Variants in GTF2E2 observed in about 807,000 individuals in gnomAD.
GTF2E2 encodes the protein general transcription factor IIE subunit 2, also known as transcription initiation factor IIE subunit beta.
A neutral mutation model predicts 40.5 loss-of-function variants in GTF2E2; 21 were observed. That is an observed-to-expected ratio of 0.52 (90% CI 0.37 to 0.75). The LOEUF (loss-of-function observed/expected upper bound fraction) is 0.75. Among genes scored for constraint, GTF2E2 ranks in the 30% least tolerant of loss-of-function variants. The probability of loss-of-function intolerance (pLI) is 0.00; values close to 1 mark genes in which losing one functional copy is unlikely to be tolerated. For missense variants in GTF2E2, 298 were observed against 338.4 expected, an observed-to-expected ratio of 0.88 and a Z score of 0.94; for synonymous variants, 117 against 121.6, an observed-to-expected ratio of 0.96 and a Z score of 0.25.
chr8:30,601,011 T>C (rs1291509468), intron 6 of GTF2E2, among the ~76,000 whole-genome samples: 1 of 152,188 alleles, frequency 6.6e-6, no homozygotes, highest in African/African-American at 2.4e-5. Flanking sequence ...TTTCAATGGG[T>C]CTTCCCTGGA....
intron 3 of GTF2E2, among the ~76,000 whole-genome samples, chr8:30,623,942 T>C (rs554860686): frequency 6.6e-6 from 1 of 152,092 alleles, no homozygotes; most frequent in Non-Finnish European, 1.5e-5. Flanking sequence ...TTGGAAAAAT[T>C]TTCTCCCATT....
intron 2 of GTF2E2, among the ~76,000 whole-genome samples, chr8:30,640,724 G>A (rs1002266630): frequency 6.6e-6 from 1 of 152,014 alleles, no homozygotes; most frequent in East Asian, 1.9e-4. Context: ...TTTGGCGGGG[G>A]GACGGAGTCT....
intron 3 of GTF2E2, among the ~76,000 whole-genome samples, chr8:30,618,218 A>G (rs1019831846): frequency 4.1e-5 from 5 of 121,036 alleles, no homozygotes; most frequent in Non-Finnish European, 7.9e-5. Flanking sequence ...AATCGCTTCA[A>G]CTGAGGAGGC....
chr8:30,610,810 A>G (rs997142014), intron 5 of GTF2E2, among the ~76,000 whole-genome samples: 3 of 152,224 alleles, frequency 2.0e-5, no homozygotes, highest in Non-Finnish European at 4.4e-5. Flanking sequence ...AGGCAACAAA[A>G]TCAAAAATAG....
At chr8:30,641,160 A>C (rs1256379605) in intron 2 of GTF2E2, among the ~76,000 whole-genome samples, 1 of 152,174 alleles carries the variant, frequency 6.6e-6, no homozygotes, top group Non-Finnish European at 1.5e-5. Flanking sequence ...TACTTTTTTC[A>C]GATATGCCCA....
At chr8:30,632,962 A>T (rs1289090306) in intron 3 of GTF2E2, among the ~76,000 whole-genome samples, 2 of 152,190 alleles carry the variant, frequency 1.3e-5, no homozygotes, top group African/African-American at 4.8e-5. Flanking sequence ...ACACGAACAG[A>T]TTTGCCAAAC....
At chr8:30,640,556 G>A (rs189965170) in intron 2 of GTF2E2, among the ~76,000 whole-genome samples, 1 of 152,150 alleles carries the variant, frequency 6.6e-6, no homozygotes, top group Non-Finnish European at 1.5e-5. Context: ...CATGGGTAGG[G>A]AAGTCCAGAA....
intron 3 of GTF2E2, among the ~76,000 whole-genome samples, chr8:30,621,934 G>A (rs918581787): frequency 2.3e-4 from 35 of 151,552 alleles, no homozygotes; most frequent in South Asian, 1.0e-3. Context: ...CTATCTCATC[G>A]TTAAGTATGA....
chr8:30,595,675 C>CA (rs1376184136), intron 6 of GTF2E2, among the ~76,000 whole-genome samples: 2 of 151,940 alleles, frequency 1.3e-5, no homozygotes, highest in Non-Finnish European at 2.9e-5. Context: ...ACTAGAAATA[C>CA]AAAAAAATTA....
At chr8:30,585,332 C>T (rs998997573) in intron 6 of GTF2E2, among the ~76,000 whole-genome samples, 12 of 152,122 alleles carry the variant, frequency 7.9e-5, no homozygotes, top group Non-Finnish European at 2.9e-5. Flanking sequence ...CCATCTAACA[C>T]CCATCATAAT....
intron 2 of GTF2E2, chr8:30,636,881 C>A: frequency 5.2e-6 from 2 of 382,930 alleles, no homozygotes; most frequent in African/African-American, 2.2e-5. Context: ...AAAAGAATGC[C>A]TTATAGGTGC....
intron 6 of GTF2E2, among the ~76,000 whole-genome samples, chr8:30,594,399 T>C (rs1009110817): frequency 6.6e-6 from 1 of 151,338 alleles, no homozygotes; most frequent in Non-Finnish European, 1.5e-5. Context: ...CTGGGCTTAC[T>C]GGCACGCACC....
chr8:30,592,172 G>C (rs755465334), intron 6 of GTF2E2, among the ~76,000 whole-genome samples: 1 of 152,070 alleles, frequency 6.6e-6, no homozygotes, highest in South Asian at 2.1e-4. Context: ...GAGCCTAGGG[G>C]TTCAAGACCA....
At chr8:30,635,549 A>AT (rs901769522) in intron 2 of GTF2E2, among the ~76,000 whole-genome samples, 2 of 151,712 alleles carry the variant, frequency 1.3e-5, no homozygotes, top group Admixed American at 1.3e-4. Flanking sequence ...TGCCTGGCTA[A>AT]TTTTTTTATT....
At chr8:30,622,731 T>C (rs1801150346) in intron 3 of GTF2E2, among the ~76,000 whole-genome samples, 1 of 152,046 alleles carries the variant, frequency 6.6e-6, no homozygotes, top group Non-Finnish European at 1.5e-5. Flanking sequence ...GGCACGTATT[T>C]GCTTTCTCAG....
chr8:30,597,849 A>G (rs1460379276), intron 6 of GTF2E2, among the ~76,000 whole-genome samples: 1 of 152,240 alleles, frequency 6.6e-6, no homozygotes, highest in Non-Finnish European at 1.5e-5. Flanking sequence ...GCATATATGA[A>G]AGAAAATAAT....
At chr8:30,594,625 A>C (rs1417786221) in intron 6 of GTF2E2, among the ~76,000 whole-genome samples, 1 of 151,328 alleles carries the variant, frequency 6.6e-6, no homozygotes, top group African/African-American at 2.4e-5. Flanking sequence ...TGGGAGGCCG[A>C]GGTGGGAAGA....
chr8:30,656,241 G>A (rs1224945092), intron 1 of GTF2E2, among the ~76,000 whole-genome samples: 1 of 152,148 alleles, frequency 6.6e-6, no homozygotes, highest in Non-Finnish European at 1.5e-5. Flanking sequence ...GAGAAAATGT[G>A]TATGTTATTT....
Position 30,578,812 on chromosome 8 carries a change from TCTC to T in GTF2E2, c.*106_*108del. 1 of 713,302 alleles carries T rather than the reference TCTC, an allele frequency of 1.4e-6. No individual in the cohort carries two copies. The highest frequency in any genetic ancestry group is 2.6e-6 in the Non-Finnish European group (1 of 387,652). 44.2% of individuals were successfully genotyped at this position (713,302 alleles called of 1,614,324 possible). ...CTTGTTTTGTAAACTGAACTGCTCCTCTCCTCAGCCGCAAGAAGCAGATAGGAA... is the reference window on the plus strand; with the variant it reads ...CTTGTTTTGTAAACTGAACTGCTCCTCTCAGCCGCAAGAAGCAGATAGGAA... On this transcript the variant is annotated 3_prime_UTR_variant, in exon 8 of 8. Coordinates refer to ENST00000355904, the MANE Select transcript of GTF2E2 (RefSeq NM_002095.6).
Sources: gnomAD v4.1 joint callset for allele counts (sites outside exome capture counted in the v4.1 genomes callset) on GRCh38, gnomAD v4.1.1 for gene constraint, MANE v1.5 for transcripts, NCBI Gene and HGNC (gene_info 2026-07-23, HGNC 2026-07-21) for gene names.